IL1RAPL2: variants seen among roughly 807,000 people sequenced by gnomAD.
IL1RAPL2 encodes X-linked interleukin-1 receptor accessory protein-like 2.
Under a neutral mutation model 44.1 loss-of-function variants are expected in IL1RAPL2, and 3 were observed. The observed-to-expected ratio is 0.07, with a 90% CI of 0.03 to 0.18. The LOEUF is 0.18. Among genes scored for constraint, IL1RAPL2 ranks in the 10% least tolerant of loss-of-function variants. The pLI is 1.00. For synonymous variants in IL1RAPL2, 181 were observed against 178.8 expected (o/e 1.01, Z -0.10); for missense variants, 391 against 496.4 (o/e 0.79, Z 2.02).
intron 2 of IL1RAPL2, among the ~76,000 whole-genome samples, chrX:105,147,033 C>G (rs547166706): frequency 9.0e-6 from 1 of 111,203 alleles, no homozygotes; most frequent in Admixed American, 9.6e-5. Flanking sequence ...GTGTGACTTT[C>G]TCCAGGCCCC....
chrX:104,894,010 T>A (rs985525404), intron 2 of IL1RAPL2, among the ~76,000 whole-genome samples: 1 of 111,488 alleles, frequency 9.0e-6, no homozygotes, highest in African/African-American at 3.3e-5. Flanking sequence ...AGCATTTGCT[T>A]GTCTGTAAAG....
chrX:104,820,122 A>G (rs765417343), intron 2 of IL1RAPL2, among the ~76,000 whole-genome samples: 1 of 111,923 alleles, frequency 8.9e-6, no homozygotes, highest in South Asian at 3.7e-4. Flanking sequence ...AAAATTTTCA[A>G]TCTGTCATTT....
chrX:105,307,178 C>T (rs2034745233), intron 5 of IL1RAPL2, among the ~76,000 whole-genome samples: 1 of 107,594 alleles, frequency 9.3e-6, no homozygotes, highest in African/African-American at 3.4e-5. Flanking sequence ...CCTCCCTCAA[C>T]ACGTGAGGAT....
At chrX:105,573,687 A>G (rs767139073) in intron 6 of IL1RAPL2, among the ~76,000 whole-genome samples, 1 of 110,610 alleles carries the variant, frequency 9.0e-6, no homozygotes, top group South Asian at 3.9e-4. Flanking sequence ...GGAAAGGGGG[A>G]AAAATTTTAG....
intron 2 of IL1RAPL2, among the ~76,000 whole-genome samples, chrX:104,819,208 A>G (rs1013368759): frequency 8.9e-6 from 1 of 112,457 alleles, no homozygotes; most frequent in African/African-American, 3.2e-5. Flanking sequence ...TTGAAAATAT[A>G]AAGTCAAAAA....
chrX:104,701,981 T>C (rs1474139520), intron 2 of IL1RAPL2, among the ~76,000 whole-genome samples: 1 of 111,781 alleles, frequency 8.9e-6, no homozygotes, highest in Non-Finnish European at 1.9e-5. Context: ...ACAGTTGGTC[T>C]GCAAAATTTG....
chrX:105,078,974 G>A (rs2032359242), intron 2 of IL1RAPL2, among the ~76,000 whole-genome samples: 1 of 112,498 alleles, frequency 8.9e-6, no homozygotes, highest in African/African-American at 3.2e-5. Flanking sequence ...GACCCCTTGT[G>A]CTTCCTGGGT....
intron 2 of IL1RAPL2, among the ~76,000 whole-genome samples, chrX:104,700,216 A>G (rs1478592316): frequency 8.9e-6 from 1 of 112,271 alleles, no homozygotes; most frequent in Non-Finnish European, 1.9e-5. Context: ...AAAATATAAT[A>G]GAGTTGAGCT....
intron 2 of IL1RAPL2, among the ~76,000 whole-genome samples, chrX:104,844,901 G>A (rs1338391246): frequency 8.9e-6 from 1 of 111,946 alleles, no homozygotes; most frequent in African/African-American, 3.2e-5. Flanking sequence ...TGCGACTTTG[G>A]AGAAGTTGCC....
chrX:104,624,359 A>G (rs1342038065), intron 1 of IL1RAPL2, among the ~76,000 whole-genome samples: 1 of 111,413 alleles, frequency 9.0e-6, no homozygotes, highest in Admixed American at 9.7e-5. Context: ...ACAAATCATT[A>G]AAAAAAATCT....
intron 2 of IL1RAPL2, among the ~76,000 whole-genome samples, chrX:104,947,911 G>A (rs1183393040): frequency 1.8e-5 from 2 of 111,525 alleles, no homozygotes; most frequent in African/African-American, 6.5e-5. Context: ...CTCTTTTTTG[G>A]TTCCATATGA....
chrX:104,768,877 C>T (rs905264754), intron 2 of IL1RAPL2, among the ~76,000 whole-genome samples: 6 of 110,956 alleles, frequency 5.4e-5, no homozygotes, highest in African/African-American at 2.0e-4. Flanking sequence ...GCATTCCCAT[C>T]GATCCTCAGG....
intron 2 of IL1RAPL2, among the ~76,000 whole-genome samples, chrX:104,830,701 T>G (rs370251320): frequency 1.8e-5 from 2 of 111,930 alleles, no homozygotes; most frequent in Admixed American, 9.5e-5. Context: ...ATCGTCAATT[T>G]ACTTAATCTC....
rs762593403 is a variant in IL1RAPL2 at position 104,839,707 on chromosome X, T to C, written c.82+180712T>C. ...GTCTGGTAGAATTCAACTGTGAACC[T>C]ATCTGGTCCTGGGCTTTTTTTGTTT... On this transcript the variant is annotated intron_variant, in intron 2 of 10. Transcript: ENST00000372582. Among the ~76,000 whole-genome samples the C allele has an allele frequency of 2.7e-5, 3 of 111,646 alleles. No individual in the cohort carries two copies. In the East Asian group the frequency reaches 8.5e-4, roughly 32 times the overall value.
At chrX:105,023,290 C>G (rs762175423) in intron 2 of IL1RAPL2, among the ~76,000 whole-genome samples, 2 of 110,571 alleles carry the variant, frequency 1.8e-5, no homozygotes, top group Non-Finnish European at 3.8e-5. Context: ...CTGAAACTTT[C>G]GAATCTTCTC....
intron 2 of IL1RAPL2, among the ~76,000 whole-genome samples, chrX:104,659,544 A>G (rs943668156): frequency 4.5e-5 from 5 of 112,134 alleles, no homozygotes; most frequent in Non-Finnish European, 9.4e-5. Context: ...CCATGACTGT[A>G]CTAAGAGATT....
intron 1 of IL1RAPL2, among the ~76,000 whole-genome samples, chrX:104,570,992 C>A (rs950826990): frequency 2.7e-5 from 3 of 109,961 alleles, no homozygotes; most frequent in African/African-American, 1.0e-4. Flanking sequence ...ATTCTCTAAC[C>A]CTAGCACCTC....
At chrX:105,663,302 C>T (rs754613401) in intron 6 of IL1RAPL2, among the ~76,000 whole-genome samples, 11 of 111,522 alleles carry the variant, frequency 9.9e-5, no homozygotes, top group East Asian at 5.6e-4. Context: ...AAGTATATTA[C>T]GAAAAGTTAA....
At chrX:105,347,920 G>A (rs1602369316) in intron 5 of IL1RAPL2, among the ~76,000 whole-genome samples, 1 of 111,231 alleles carries the variant, frequency 9.0e-6, no homozygotes, top group East Asian at 2.8e-4. Flanking sequence ...TCCCAGTCGA[G>A]GACCACTACT....
Sources: gnomAD v4.1 joint callset for allele counts (sites outside exome capture counted in the v4.1 genomes callset) on GRCh38, gnomAD v4.1.1 for gene constraint, MANE v1.5 for transcripts, NCBI Gene and HGNC (gene_info 2026-07-23, HGNC 2026-07-21) for gene names.